PCDH9: variants seen among roughly 807,000 people sequenced by gnomAD.
PCDH9 encodes the protein protocadherin-9.
A neutral mutation model predicts 70.6 loss-of-function variants in PCDH9; 24 were observed. The observed-to-expected ratio is 0.34, with a 90% CI of 0.25 to 0.48. PCDH9 has a LOEUF of 0.48. PCDH9 is among the 20% of genes least tolerant of loss of function. PCDH9 has a pLI of 0.99. For synonymous variants in PCDH9, 562 were observed against 558.5 expected (o/e 1.01, Z -0.09); for missense variants, 1,281 against 1,503.6 (o/e 0.85, Z 2.45).
In PCDH9 at chr13:66,683,364, T is replaced by G. The variant is rs115182590; in HGVS notation, c.3139-51953A>C. 2.1e-3 allele frequency among the ~76,000 whole-genome samples: 320 copies of G among 152,300 alleles called. 1 individual carries two copies. The highest frequency in any genetic ancestry group is 7.6e-3 in the African/African-American group (314 of 41,570). On this transcript the variant is annotated intron_variant, in intron 3 of 4. Coordinates refer to ENST00000377865, the MANE Select transcript of PCDH9 (RefSeq NM_203487.3). Reference sequence around the variant, plus strand: ...ACATCTAATACCACATTGCCTTCAATAGCAAACAGGCATTAGTTACAGCAA... The same window carrying G: ...ACATCTAATACCACATTGCCTTCAAGAGCAAACAGGCATTAGTTACAGCAA...
At chr13:66,994,707 T>G (rs1451521426) in intron 2 of PCDH9, among the ~76,000 whole-genome samples, 2 of 152,192 alleles carry the variant, frequency 1.3e-5, no homozygotes, top group Non-Finnish European at 2.9e-5. Context: ...CACAATTTTG[T>G]CATCTGATCT....
intron 4 of PCDH9, among the ~76,000 whole-genome samples, chr13:66,522,030 T>G (rs2138611347): frequency 1.6e-5 from 1 of 61,952 alleles, no homozygotes; most frequent in Non-Finnish European, 5.2e-5. Flanking sequence ...TGTGTGTGTA[T>G]ATATACATAT....
At chr13:66,685,504 A>G (rs2078388319) in intron 3 of PCDH9, among the ~76,000 whole-genome samples, 1 of 152,194 alleles carries the variant, frequency 6.6e-6, no homozygotes, top group South Asian at 2.1e-4. Context: ...GGCAGAGCAG[A>G]AGGAAAAGGT....
intron 2 of PCDH9, among the ~76,000 whole-genome samples, chr13:66,934,772 G>C (rs983147694): frequency 6.9e-5 from 8 of 115,878 alleles, no homozygotes; most frequent in African/African-American, 1.0e-4. Flanking sequence ...CCAGGCTGGA[G>C]TGCAGTGGCG....
intron 2 of PCDH9, among the ~76,000 whole-genome samples, chr13:67,019,600 G>A (rs1007469091): frequency 1.4e-4 from 22 of 152,196 alleles, no homozygotes; most frequent in Non-Finnish European, 2.8e-4. Flanking sequence ...TAGGGCTAAT[G>A]AGGGAAGGCA....
In PCDH9 at chr13:66,713,612, AGTGT is replaced by A. The variant is rs140475590; in HGVS notation, c.3139-82205_3139-82202del. 1.5e-4 allele frequency among the ~76,000 whole-genome samples: 17 copies of A among 110,932 alleles called. 2 individuals carry two copies. Among genetic ancestry groups the A allele is most frequent in the African/African-American group, 5.7e-4 (17 of 29,912 alleles). The allele number at this position is 110,932 out of a possible 152,430, so 72.8% of individuals were successfully genotyped here. A position where few individuals can be genotyped will look rare whatever the true frequency, so the allele number is the denominator to read the frequency against. Reference sequence around the variant, plus strand: ...ATTGTGTTTGTGTATATATATATAAAGTGTGTGTGTGTGTATATATATATATATA... The same window carrying A: ...ATTGTGTTTGTGTATATATATATAAAGTGTGTGTGTATATATATATATATA... On this transcript the variant is annotated intron_variant, in intron 3 of 4. Coordinates refer to ENST00000377865, the MANE Select transcript of PCDH9 (RefSeq NM_203487.3).
At chr13:67,017,588 A>G (rs2084588526) in intron 2 of PCDH9, among the ~76,000 whole-genome samples, 1 of 152,226 alleles carries the variant, frequency 6.6e-6, no homozygotes, top group South Asian at 2.1e-4. Flanking sequence ...TGTCTCAAAC[A>G]TGAAAGAGAA....
intron 3 of PCDH9, among the ~76,000 whole-genome samples, chr13:66,686,872 C>T (rs2078411008): frequency 6.6e-6 from 1 of 152,084 alleles, no homozygotes; most frequent in Admixed American, 6.6e-5. Flanking sequence ...CTCAAAAATA[C>T]ATATTGTTAA....
intron 2 of PCDH9, among the ~76,000 whole-genome samples, chr13:67,194,419 AACT>A (rs1240444087): frequency 6.6e-6 from 1 of 152,050 alleles, no homozygotes; most frequent in Non-Finnish European, 1.5e-5. Flanking sequence ...CTTCAAAAAA[AACT>A]ACATTGTTAT....
chr13:66,559,074 G>A (rs1249721314), intron 4 of PCDH9, among the ~76,000 whole-genome samples: 2 of 152,114 alleles, frequency 1.3e-5, no homozygotes, highest in East Asian at 3.9e-4. Context: ...AGTTTCTCTT[G>A]TGCAGTGACT....
intron 2 of PCDH9, among the ~76,000 whole-genome samples, chr13:66,930,524 G>A (rs960055357): frequency 6.6e-6 from 1 of 152,044 alleles, no homozygotes; most frequent in Non-Finnish European, 1.5e-5. Context: ...AGAAGTATGA[G>A]CATGAAAATT....
intron 2 of PCDH9, among the ~76,000 whole-genome samples, chr13:66,979,805 C>A (rs963847189): frequency 9.2e-5 from 14 of 152,070 alleles, no homozygotes; most frequent in Admixed American, 6.6e-4. Context: ...TAAGATTTGA[C>A]TATGTTGTAC....
At chr13:66,765,766 A>G (rs1311576286) in intron 3 of PCDH9, among the ~76,000 whole-genome samples, 1 of 152,018 alleles carries the variant, frequency 6.6e-6, no homozygotes, top group East Asian at 1.9e-4. Flanking sequence ...TTTCACTCAG[A>G]TATGTTTAGT....
intron 3 of PCDH9, among the ~76,000 whole-genome samples, chr13:66,820,903 C>T (rs2080700052): frequency 6.6e-6 from 1 of 152,060 alleles, no homozygotes; most frequent in African/African-American, 2.4e-5. Context: ...GGCTTAATAC[C>T]TAGGTGATGA....
At chr13:66,685,836 G>T (rs1566505175) in intron 3 of PCDH9, among the ~76,000 whole-genome samples, 1 of 152,168 alleles carries the variant, frequency 6.6e-6, no homozygotes, top group East Asian at 1.9e-4. Flanking sequence ...GACTTGCATA[G>T]GGCCTGTAGC....
At chr13:67,222,134 A>AT (rs1461358632) in intron 2 of PCDH9, 7 of 151,838 alleles carry the variant, frequency 4.6e-5, no homozygotes, top group Non-Finnish European at 7.4e-5. Flanking sequence ...CAACAAGACC[A>AT]TTTTTCTTTT....
At chr13:67,017,211 C>A (rs2084581111) in intron 2 of PCDH9, among the ~76,000 whole-genome samples, 1 of 152,152 alleles carries the variant, frequency 6.6e-6, no homozygotes, top group Non-Finnish European at 1.5e-5. Context: ...GAAATAGAGT[C>A]AATTCAATTT....
At chr13:66,795,480 T>C (rs1159773772) in intron 3 of PCDH9, among the ~76,000 whole-genome samples, 1 of 152,184 alleles carries the variant, frequency 6.6e-6, no homozygotes, top group African/African-American at 2.4e-5. Flanking sequence ...TTCCAGCCGA[T>C]ATATGACTGG....
intron 4 of PCDH9, among the ~76,000 whole-genome samples, chr13:66,573,287 G>A (rs7327487): frequency 0.48 from 65,740 of 138,256 alleles, 15,359 homozygotes; most frequent in Middle Eastern, 0.57. Flanking sequence ...TTTTTTTGCT[G>A]GTGAGTTGTT....
Sources: gnomAD v4.1 joint callset for allele counts (sites outside exome capture counted in the v4.1 genomes callset) on GRCh38, gnomAD v4.1.1 for gene constraint, MANE v1.5 for transcripts, NCBI Gene and HGNC (gene_info 2026-07-23, HGNC 2026-07-21) for gene names.